Variants in PGLYRP2 observed in about 807,000 individuals in gnomAD.
PGLYRP2 encodes N-acetylmuramoyl-L-alanine amidase.
PGLYRP2 carries 38 observed loss-of-function variants against 46.2 expected under a neutral mutation model. The observed-to-expected ratio is 0.82, with a 90% confidence interval of 0.64 to 1.08. The LOEUF (loss-of-function observed/expected upper bound fraction) is 1.08. Among genes scored for constraint, PGLYRP2 ranks in the 50% least tolerant of loss-of-function variants. The pLI, the probability that PGLYRP2 is intolerant of heterozygous loss-of-function variation, is 0.00. For missense variants in PGLYRP2, 713 were observed against 755.9 expected, an observed-to-expected ratio of 0.94 and a Z score of 0.67; for synonymous variants, 289 against 329.4, an observed-to-expected ratio of 0.88 and a Z score of 1.33.
Position 15,479,367 on chromosome 19 carries a change from G to T in PGLYRP2, c.5C>A (p.Ala2Asp). 1 of 1,613,994 alleles carries T rather than the reference G, an allele frequency of 6.2e-7. No homozygotes were observed. Among genetic ancestry groups the T allele is most frequent in the Non-Finnish European group, 8.5e-7 (1 of 1,179,946 alleles). The part of the protein sequence containing the change: M[A>D]QGVLWILLGL... Reference sequence around the variant, plus strand: ...GAGTAGGATCCAGAGGACACCCTGGGCCATTGTTGCAGGATTCCAGCTTCC... The same window carrying T: ...GAGTAGGATCCAGAGGACACCCTGGTCCATTGTTGCAGGATTCCAGCTTCC... The change falls in exon 1 of 5, where the codon GCC becomes GAC. Residue 2 changes from alanine to aspartate, a missense_variant. Physicochemically the swap from Ala to Asp is moderately radical, Grantham distance 126 (BLOSUM62 -2). Transcript: ENST00000340880.
chr19:15,474,127 G>A (rs1970774340), intron 2 of PGLYRP2, among the ~76,000 whole-genome samples: 1 of 152,038 alleles, frequency 6.6e-6, no homozygotes. Flanking sequence ...CCTGAGGTTA[G>A]GAGTTTGAGA....
At chr19:15,475,446 A>T (rs910784752) in intron 2 of PGLYRP2, 92 bp downstream of exon 2, 2 of 1,262,042 alleles carry the variant, frequency 1.6e-6, no homozygotes, top group Admixed American at 4.6e-5. Flanking sequence ...CCCCCTCTGG[A>T]CTCTCCTAGT....
At chr19:15,470,173 C>T (rs1314772033) in intron 3 of PGLYRP2, among the ~76,000 whole-genome samples, 2 of 152,232 alleles carry the variant, frequency 1.3e-5, no homozygotes, top group African/African-American at 4.8e-5. Flanking sequence ...CTCCTCCCCA[C>T]CTCTGCCTTT....
intron 1 of PGLYRP2, among the ~76,000 whole-genome samples, chr19:15,479,045 A>G (rs540770458): frequency 6.6e-6 from 1 of 152,126 alleles, no homozygotes; most frequent in South Asian, 2.1e-4. Context: ...CTTCTCCCCC[A>G]AATCATTTCT....
At chr19:15,472,833 T>C (rs4264508) in intron 2 of PGLYRP2, among the ~76,000 whole-genome samples, 115,919 of 152,100 alleles carry the variant, frequency 0.76, 44,757 homozygotes, top group African/African-American at 0.89. Context: ...GACAAAACTA[T>C]CCTGAAATTC....
rs1970790174 is a variant in PGLYRP2 at position 15,475,886 on chromosome 19, C to T, written c.784G>A (p.Asp262Asn). Residue 262 changes from aspartate (D) to asparagine (N), a missense_variant, in exon 2 of 5, where the codon GAC becomes AAC. Asp to Asn is a conservative substitution (Grantham distance 23). Coordinates refer to ENST00000340880, the MANE Select transcript of PGLYRP2 (RefSeq NM_052890.4). ...LSAPRTFTLL[D>N]PKASLLTMAF... ...ATGGTTAACAGAGATGCCTTGGGGT[C>T]CAAAAGCGTAAAGGTCCGAGGGGCA... 6.2e-7 allele frequency: 1 copy of T among 1,613,934 alleles called. No individual in the cohort carries two copies. The highest frequency in any genetic ancestry group is 1.7e-5 in the Admixed American group (1 of 59,974).
At position 15,476,344 on chromosome 19, in the gene PGLYRP2, C is replaced by G; in HGVS notation, c.326G>C (p.Gly109Ala). ...RHDVREGKEY[G>A]VVLAPDGSTV... is the part of the protein sequence containing the mutation. Reference sequence around the variant, plus strand: ...CGAGCCATCAGGTGCCAGCACCACCCCATATTCCTTCCCTTCTCGTACGTC... The same window carrying G: ...CGAGCCATCAGGTGCCAGCACCACCGCATATTCCTTCCCTTCTCGTACGTC... The change falls in exon 2 of 5, where the codon GGG becomes GCG. Residue 109 changes from glycine to alanine, a missense_variant. Gly to Ala is a moderately conservative substitution (Grantham distance 60). Transcript: ENST00000340880. The G allele has an allele frequency of 6.2e-7, 1 of 1,614,178 alleles. No individual in the cohort carries two copies. The highest frequency in any genetic ancestry group is 1.1e-5 in the South Asian group (1 of 91,078).
intron 2 of PGLYRP2, among the ~76,000 whole-genome samples, chr19:15,475,333 C>T (rs550068743): frequency 6.6e-6 from 1 of 152,070 alleles, no homozygotes; most frequent in Non-Finnish European, 1.5e-5. Flanking sequence ...TATAATGAAG[C>T]AAAACAAAAT....
intron 1 of PGLYRP2, among the ~76,000 whole-genome samples, chr19:15,477,490 G>T (rs1970808482): frequency 6.6e-6 from 1 of 151,190 alleles, no homozygotes; most frequent in Non-Finnish European, 1.5e-5. Context: ...CTGAGGTCGG[G>T]AGCTCAGGAC....
At chr19:15,475,436 C>T in intron 2 of PGLYRP2, 102 bp downstream of exon 2, 2 of 1,175,718 alleles carry the variant, frequency 1.7e-6, no homozygotes, top group Non-Finnish European at 2.4e-6. Flanking sequence ...TCCCTTATTG[C>T]CCCCTCTGGA....
At chr19:15,471,493 C>G (rs1314436142) in intron 3 of PGLYRP2, among the ~76,000 whole-genome samples, 1 of 151,962 alleles carries the variant, frequency 6.6e-6, no homozygotes, top group Non-Finnish European at 1.5e-5. Flanking sequence ...TCTCGAACTC[C>G]TGGGCTCCAG....
intron 4 of PGLYRP2, 181 bp from the exon 5 acceptor site, chr19:15,468,933 G>T: frequency 1.8e-6 from 1 of 550,212 alleles, no homozygotes; most frequent in South Asian, 2.2e-5. Flanking sequence ...AAATGGAGTG[G>T]CAGTATGTAG....
chr19:15,472,184 C>A, intron 2 of PGLYRP2, 84 bp from the exon 3 acceptor site: 1 of 1,160,088 alleles, frequency 8.6e-7, no homozygotes, highest in Non-Finnish European at 1.2e-6. Context: ...ACATACAGAC[C>A]ATCCCTCAGC....
chr19:15,469,590 G>C lies in PGLYRP2; in HGVS notation c.1641+42C>G. The C allele has an allele frequency of 6.4e-7, 1 of 1,558,226 alleles. No individual in the cohort carries two copies. The highest frequency in any genetic ancestry group is 2.4e-5 in the East Asian group (1 of 42,372). On this transcript the variant is annotated intron_variant, in intron 4 of 4. Transcript: ENST00000340880. This position sits in a 1 kb window ranked among gnomAD's most constrained non-coding sequence, Gnocchi z 4.9. ...GGGGCCTCGTGGAGCTTGTGTAGAC[G>C]GAGGGGCGGCGGGCCGTGTAGTGCA...
intron 2 of PGLYRP2, among the ~76,000 whole-genome samples, chr19:15,474,711 G>A (rs1008569241): frequency 1.1e-4 from 16 of 152,134 alleles, no homozygotes; most frequent in African/African-American, 3.4e-4. Flanking sequence ...AATGTTGGCT[G>A]GGCATGGTGG....
At position 15,476,625 on chromosome 19, in the gene PGLYRP2, T is replaced by A. The variant is rs911133530; in HGVS notation, c.62-17A>T. 2.6e-5 allele frequency: 40 copies of A among 1,556,924 alleles called. No individual in the cohort carries two copies. Among genetic ancestry groups the A allele is most frequent in the Non-Finnish European group, 3.5e-5 (40 of 1,153,408 alleles). Reference sequence around the variant, plus strand: ...GCAGGGAGGCTGCAGGAGGAAAGAATGTGTTAGCCCAGCCCCACCCATTCC... The same window carrying A: ...GCAGGGAGGCTGCAGGAGGAAAGAAAGTGTTAGCCCAGCCCCACCCATTCC... On this transcript the variant is annotated splice_polypyrimidine_tract_variant and intron_variant, in intron 1 of 4. Transcript: ENST00000340880.
At chr19:15,472,191 C>T (rs769155675) in intron 2 of PGLYRP2, 91 bp from the exon 3 acceptor site, 6 of 1,097,474 alleles carry the variant, frequency 5.5e-6, no homozygotes, top group Non-Finnish European at 5.2e-6. Flanking sequence ...GACCATCCCT[C>T]AGCCTCCTCT....
At position 15,478,630 on chromosome 19, in the gene PGLYRP2, G is replaced by T. The variant is rs968121566; in HGVS notation, c.61+681C>A. ...AGTGGCAGAGGCAGGATTTGCCTTT[G>T]TTTTTTTTTTTTTTTTTTGAGACGG... On this transcript the variant is annotated intron_variant, in intron 1 of 4. Transcript: ENST00000340880. Among the ~76,000 whole-genome samples the T allele has an allele frequency of 6.7e-3, 863 of 128,038 alleles. 9 individuals are homozygous for T. Among genetic ancestry groups the T allele is most frequent in the African/African-American group, 0.019 (660 of 35,050 alleles). The allele number at this position is 128,038 out of a possible 152,430, so 84.0% of individuals were successfully genotyped here.
chr19:15,475,464 T>A, intron 2 of PGLYRP2, 74 bp downstream of exon 2: 1 of 1,414,244 alleles, frequency 7.1e-7, no homozygotes. Context: ...AGTCCTCAAC[T>A]TCCCTGAATA....
Sources: gnomAD v4.1 joint callset for allele counts (sites outside exome capture counted in the v4.1 genomes callset) on GRCh38, gnomAD v4.1.1 for gene constraint, Gnocchi (gnomAD v3.1) non-coding constraint, MANE v1.5 for transcripts, NCBI Gene and HGNC (gene_info 2026-07-23, HGNC 2026-07-21) for gene names.